TACR3: variants seen among roughly 807,000 people sequenced by gnomAD.
TACR3 encodes the protein tachykinin receptor 3.
TACR3 carries 34 observed loss-of-function variants against 35.0 expected under a neutral mutation model. The ratio of observed to expected loss-of-function variants is 0.97; its 90% CI spans 0.74 to 1.30. TACR3 has a LOEUF of 1.30. TACR3 is among the 50% of genes most tolerant of loss of function. The pLI is 0.00. For synonymous variants in TACR3, 233 were observed against 221.1 expected, an observed-to-expected ratio of 1.05 and a Z score of -0.48; for missense variants, 558 against 591.7, an observed-to-expected ratio of 0.94 and a Z score of 0.59.
At chr4:103,604,638 C>T (rs1388125670) in intron 3 of TACR3, among the ~76,000 whole-genome samples, 15 of 151,838 alleles carry the variant, frequency 9.9e-5, no homozygotes, top group Admixed American at 9.9e-4. Context: ...GCAATGTATC[C>T]ATCTGACAAA....
At position 103,684,992 on chromosome 4, in the gene TACR3, TAAA is replaced by T. The variant is rs1310915615; in HGVS notation, c.549-26592_549-26590del. On this transcript the variant is annotated intron_variant, in intron 1 of 4. Transcript: ENST00000304883. ...AGCAAGGCTCCATCTCAAAATTAAATAAATAAATAAATAAATAAATAAATAAAT... is the reference window on the plus strand; with the variant it reads ...AGCAAGGCTCCATCTCAAAATTAAATTAAATAAATAAATAAATAAATAAAT... Among the ~76,000 whole-genome samples, 9 of 89,946 alleles carry T rather than the reference TAAA, an allele frequency of 1.0e-4. No individual in the cohort carries two copies. In the East Asian group the frequency reaches 5.3e-3, roughly 53 times the overall value. The allele number at this position is 89,946 out of a possible 152,430, so 59.0% of individuals were successfully genotyped here.
At chr4:103,592,197 T>G (rs1171717945) in intron 3 of TACR3, among the ~76,000 whole-genome samples, 2 of 152,232 alleles carry the variant, frequency 1.3e-5, no homozygotes, top group Non-Finnish European at 2.9e-5. Flanking sequence ...CGTAACCTTA[T>G]GAATATTAAT....
chr4:103,609,033 A>G (rs1427260958), intron 3 of TACR3, among the ~76,000 whole-genome samples: 2 of 152,122 alleles, frequency 1.3e-5, no homozygotes, highest in African/African-American at 4.8e-5. Flanking sequence ...TTCTTCCCTA[A>G]ATCATACATA....
intron 1 of TACR3, among the ~76,000 whole-genome samples, chr4:103,697,710 C>T (rs1722554791): frequency 6.6e-6 from 1 of 152,144 alleles, no homozygotes; most frequent in Non-Finnish European, 1.5e-5. Context: ...AGGCATGAGC[C>T]ACTGCGCCCA....
chr4:103,599,059 C>T (rs976468497), intron 3 of TACR3, among the ~76,000 whole-genome samples: 10 of 152,154 alleles, frequency 6.6e-5, no homozygotes, highest in East Asian at 3.9e-4. Context: ...TGGCCATTTT[C>T]ACAATATTGA....
At chr4:103,627,398 C>A (rs1014971700) in intron 3 of TACR3, among the ~76,000 whole-genome samples, 2 of 147,750 alleles carry the variant, frequency 1.4e-5, no homozygotes, top group Admixed American at 6.8e-5. Flanking sequence ...GTGGTGTGCA[C>A]CTATAATCCT....
intron 3 of TACR3, among the ~76,000 whole-genome samples, chr4:103,645,032 A>G (rs1471513080): frequency 2.6e-5 from 4 of 151,880 alleles, no homozygotes; most frequent in African/African-American, 9.7e-5. Context: ...ATTACAACAA[A>G]GTACATAAAG....
In TACR3 at chr4:103,680,804, T is replaced by A. The variant is rs1193009658; in HGVS notation, c.549-22401A>T. On this transcript the variant is annotated intron_variant, in intron 1 of 4. Transcript: ENST00000304883. Reference sequence around the variant, plus strand: ...TTTTAAACTCTCTATAATAAGCCATTTCATCTATGTTCTCACTTAATAGGG... The same window carrying A: ...TTTTAAACTCTCTATAATAAGCCATATCATCTATGTTCTCACTTAATAGGG... Among the ~76,000 whole-genome samples the A allele has an allele frequency of 2.6e-5, 4 of 151,832 alleles. No homozygotes were observed. In the East Asian group the frequency reaches 7.7e-4, roughly 29 times the overall value.
At chr4:103,673,389 G>T (rs1453713584) in intron 1 of TACR3, among the ~76,000 whole-genome samples, 1 of 152,084 alleles carries the variant, frequency 6.6e-6, no homozygotes, top group Non-Finnish European at 1.5e-5. Context: ...GACATTGTAT[G>T]GTTATTAATT....
chr4:103,650,697 ATTT>A (rs1560822018), intron 3 of TACR3, among the ~76,000 whole-genome samples: 1 of 7,810 alleles, frequency 1.3e-4, no homozygotes, highest in African/African-American at 1.1e-3. Flanking sequence ...TATAATATAT[ATTT>A]ATATATATAA....
chr4:103,605,209 T>G (rs1397261613), intron 3 of TACR3, among the ~76,000 whole-genome samples: 1 of 141,572 alleles, frequency 7.1e-6, no homozygotes, highest in East Asian at 2.1e-4. Context: ...TGCCACAGTT[T>G]CTTAATCCAG....
intron 3 of TACR3, among the ~76,000 whole-genome samples, chr4:103,605,858 G>T (rs1464168652): frequency 2.0e-5 from 3 of 152,110 alleles, no homozygotes; most frequent in Non-Finnish European, 4.4e-5. Flanking sequence ...TTTGTCTTTG[G>T]TTGCCATGGC....
At chr4:103,681,153 T>C (rs1281503297) in intron 1 of TACR3, among the ~76,000 whole-genome samples, 1 of 152,048 alleles carries the variant, frequency 6.6e-6, no homozygotes, top group East Asian at 1.9e-4. Flanking sequence ...ATTTACCAAA[T>C]TCAAGATAAA....
chr4:103,651,886 C>T (rs1033641425), intron 3 of TACR3, among the ~76,000 whole-genome samples: 2 of 152,024 alleles, frequency 1.3e-5, no homozygotes, highest in African/African-American at 4.8e-5. Flanking sequence ...AAATGTCATC[C>T]TGCACCTAGA....
chr4:103,619,294 A>G (rs1475000252), intron 3 of TACR3, among the ~76,000 whole-genome samples: 1 of 152,080 alleles, frequency 6.6e-6, no homozygotes, highest in Non-Finnish European at 1.5e-5. Context: ...GGTTCAAGCA[A>G]TTCTCCTGCC....
chr4:103,636,980 T>G (rs1373216991), intron 3 of TACR3, among the ~76,000 whole-genome samples: 1 of 152,012 alleles, frequency 6.6e-6, no homozygotes, highest in South Asian at 2.1e-4. Context: ...CAGGACCAGA[T>G]GGATTCACAG....
At chr4:103,609,730 C>T (rs1265321070) in intron 3 of TACR3, among the ~76,000 whole-genome samples, 1 of 151,892 alleles carries the variant, frequency 6.6e-6, no homozygotes, top group Non-Finnish European at 1.5e-5. Flanking sequence ...TAAATTTGTA[C>T]CTGGTGACCA....
At position 103,683,470 on chromosome 4, in the gene TACR3, CAAAAAAAAA is replaced by C. The variant is rs57761679; in HGVS notation, c.549-25076_549-25068del. On this transcript the variant is annotated intron_variant, in intron 1 of 4. Transcript: ENST00000304883. Reference sequence around the variant, plus strand: ...TTGATAACGCACTAGAAAGACTGACCAAAAAAAAAAAAAAAAAAAAAAAAAGAGAGAGAG... The same window carrying C: ...TTGATAACGCACTAGAAAGACTGACCAAAAAAAAAAAAAAAAGAGAGAGAG... Among the ~76,000 whole-genome samples the C allele has an allele frequency of 1.9e-4, 4 of 21,150 alleles. No individual in the cohort carries two copies. The East Asian group carries it at 5.3e-3, about 28-fold the overall frequency. The allele number at this position is 21,150 out of a possible 152,430, so 13.9% of individuals were successfully genotyped here. A position where few individuals can be genotyped will look rare whatever the true frequency, so the allele number is the denominator to read the frequency against.
chr4:103,598,962 TTAAAG>T (rs1470872778), intron 3 of TACR3, among the ~76,000 whole-genome samples: 1 of 152,184 alleles, frequency 6.6e-6, no homozygotes, highest in African/African-American at 2.4e-5. Context: ...CATATGAACT[TTAAAG>T]TAGTTTTTCC....
Sources: gnomAD v4.1 joint callset for allele counts (sites outside exome capture counted in the v4.1 genomes callset) on GRCh38, gnomAD v4.1.1 for gene constraint, MANE v1.5 for transcripts, NCBI Gene and HGNC (gene_info 2026-07-23, HGNC 2026-07-21) for gene names.